DACH1: variants seen among roughly 807,000 people sequenced by gnomAD.
DACH1 encodes dachshund family transcription factor 1.
DACH1 carries 12 observed loss-of-function variants against 54.2 expected under a neutral mutation model. That is an observed-to-expected ratio of 0.22 (90% CI 0.14 to 0.36). The LOEUF (loss-of-function observed/expected upper bound fraction) is 0.36. Among genes scored for constraint, DACH1 ranks in the 10% least tolerant of loss-of-function variants. The probability of loss-of-function intolerance (pLI) is 1.00; values close to 1 mark genes in which losing one functional copy is unlikely to be tolerated. For synonymous variants in DACH1, 386 were observed against 366.2 expected, an observed-to-expected ratio of 1.05 and a Z score of -0.62; for missense variants, 805 against 929.8, an observed-to-expected ratio of 0.87 and a Z score of 1.75.
At chr13:71,843,707 T>C (rs1168609391) in intron 1 of DACH1, among the ~76,000 whole-genome samples, 1 of 152,148 alleles carries the variant, frequency 6.6e-6, no homozygotes, top group Non-Finnish European at 1.5e-5. Context: ...ATTAAACACA[T>C]ACAAGGGAGG....
At chr13:71,752,228 G>A (rs1460886544) in intron 1 of DACH1, among the ~76,000 whole-genome samples, 1 of 152,138 alleles carries the variant, frequency 6.6e-6, no homozygotes, top group Non-Finnish European at 1.5e-5. Context: ...AGTGCATGCT[G>A]TGAATGTGTA....
intron 6 of DACH1, among the ~76,000 whole-genome samples, chr13:71,552,855 A>G (rs1218728203): frequency 8.4e-6 from 1 of 118,736 alleles, no homozygotes; most frequent in South Asian, 2.8e-4. Flanking sequence ...AGAGAGAGAG[A>G]GAGAGAGAGA....
intron 1 of DACH1, among the ~76,000 whole-genome samples, chr13:71,804,333 A>G (rs529700638): frequency 2.2e-4 from 33 of 152,188 alleles, no homozygotes; most frequent in South Asian, 1.0e-3. Context: ...TACATAATAC[A>G]TGCTACTATA....
At chr13:71,444,316 C>G (rs992938040) in intron 10 of DACH1, among the ~76,000 whole-genome samples, 1 of 151,988 alleles carries the variant, frequency 6.6e-6, no homozygotes, top group African/African-American at 2.4e-5. Context: ...AATTCTTAAT[C>G]CCTTAATTTA....
At chr13:71,506,276 T>TC (rs1880314150) in intron 6 of DACH1, among the ~76,000 whole-genome samples, 2 of 117,858 alleles carry the variant, frequency 1.7e-5, no homozygotes, top group Non-Finnish European at 3.4e-5. Flanking sequence ...CCCGGTGCTA[T>TC]CCCTCCCCCC....
chr13:71,816,238 A>G (rs1394515211), intron 1 of DACH1, among the ~76,000 whole-genome samples: 1 of 152,168 alleles, frequency 6.6e-6, no homozygotes, highest in Non-Finnish European at 1.5e-5. Flanking sequence ...TTTCTTTGGA[A>G]ATGGCACTAT....
chr13:71,822,172 T>C (rs1273769428), intron 1 of DACH1, among the ~76,000 whole-genome samples: 1 of 152,174 alleles, frequency 6.6e-6, no homozygotes, highest in South Asian at 2.1e-4. Context: ...CTAAATGTGC[T>C]TATGAGTCTT....
rs184524086 is a variant in DACH1, at chr13:71,809,208, A to G, written c.848+56714T>C. 1.4e-3 allele frequency among the ~76,000 whole-genome samples: 212 copies of G among 152,334 alleles called. 1 individual carries two copies. Among genetic ancestry groups the G allele is most frequent in the African/African-American group, 5.0e-3 (206 of 41,574 alleles). ...AAATATGTGAAAAGAAAATAAAGAC[A>G]GGGTCTCGCTCTGTTGCCTGGGCTG... is the stretch of plus-strand genomic sequence containing the variant. On this transcript the variant is annotated intron_variant, in intron 1 of 10. Transcript: ENST00000613252.
intron 6 of DACH1, among the ~76,000 whole-genome samples, chr13:71,555,809 T>C (rs1343391934): frequency 6.6e-6 from 1 of 152,162 alleles, no homozygotes; most frequent in Non-Finnish European, 1.5e-5. Flanking sequence ...TCTGACCTAG[T>C]CGTGCACTGC....
At chr13:71,450,818 A>G (rs1443139144) in intron 10 of DACH1, among the ~76,000 whole-genome samples, 1 of 152,178 alleles carries the variant, frequency 6.6e-6, no homozygotes, top group Non-Finnish European at 1.5e-5. Context: ...AACCAACCAC[A>G]TTCCCTTAAG....
intron 7 of DACH1, among the ~76,000 whole-genome samples, chr13:71,484,795 C>A (rs867630333): frequency 6.6e-6 from 1 of 152,034 alleles, no homozygotes; most frequent in East Asian, 1.9e-4. Flanking sequence ...GGCCCGGGCG[C>A]GGTGGCTCAC....
intron 3 of DACH1, among the ~76,000 whole-genome samples, chr13:71,625,472 AAAGAT>A: frequency 6.6e-6 from 1 of 152,044 alleles, no homozygotes; most frequent in East Asian, 1.9e-4. Flanking sequence ...AAAATTAAAG[AAAGAT>A]AAGAGTAGGG....
At chr13:71,655,184 T>C (rs1283995868) in intron 2 of DACH1, among the ~76,000 whole-genome samples, 1 of 152,158 alleles carries the variant, frequency 6.6e-6, no homozygotes, top group Non-Finnish European at 1.5e-5. Flanking sequence ...CAGCCCTCAA[T>C]GACTGCCCCA....
intron 1 of DACH1, among the ~76,000 whole-genome samples, chr13:71,774,998 C>T (rs116497816): frequency 0.029 from 4,339 of 151,860 alleles, 204 homozygotes; most frequent in African/African-American, 0.095. Context: ...CAAGAATGCT[C>T]CCCTAGCAGG....
chr13:71,440,365 C>T lies in DACH1; in HGVS notation c.*290G>A, dbSNP rs576861612. ...AAAGCTAGGTCTTATTCAGACCTGC[C>T]TTTAACTCTGTATACAATTGTCCAG... On this transcript the variant is annotated 3_prime_UTR_variant, in exon 11 of 11. Transcript: ENST00000613252. The T allele has an allele frequency of 6.4e-6, 2 of 313,180 alleles. No homozygotes were observed. The highest frequency in any genetic ancestry group is 1.1e-4 in the Admixed American group (2 of 18,434). The allele number at this position is 313,180 out of a possible 1,614,324, so 19.4% of individuals were successfully genotyped here.
At chr13:71,771,185 A>C (rs1885836816) in intron 1 of DACH1, among the ~76,000 whole-genome samples, 1 of 151,100 alleles carries the variant, frequency 6.6e-6, no homozygotes, top group Non-Finnish European at 1.5e-5. Flanking sequence ...TAGATAATGA[A>C]ATTTTAGGAA....
chr13:71,608,390 A>G (rs1875048729), intron 3 of DACH1, among the ~76,000 whole-genome samples: 1 of 152,052 alleles, frequency 6.6e-6, no homozygotes, highest in Admixed American at 6.6e-5. Flanking sequence ...TGGTTTGTTA[A>G]GAACATAAGT....
chr13:71,717,884 C>CTT (rs1883050869), intron 1 of DACH1, among the ~76,000 whole-genome samples: 2 of 151,558 alleles, frequency 1.3e-5, no homozygotes, highest in African/African-American at 4.8e-5. Context: ...TCCAAAAAAA[C>CTT]TTTTAAATTA....
At chr13:71,622,628 T>G (rs1566385555) in intron 3 of DACH1, among the ~76,000 whole-genome samples, 1 of 151,898 alleles carries the variant, frequency 6.6e-6, no homozygotes, top group Non-Finnish European at 1.5e-5. Context: ...TTTTGTAGGT[T>G]GATAATTACC....
Sources: allele counts gnomAD v4.1 joint callset (sites outside exome capture counted in the v4.1 genomes callset), GRCh38; gene constraint gnomAD v4.1.1; transcripts MANE v1.5; gene names NCBI Gene and HGNC (gene_info 2026-07-23, HGNC 2026-07-21).